CSMD3: variants seen among roughly 807,000 people sequenced by gnomAD.
The protein encoded by CSMD3 is CUB and Sushi multiple domains 3.
Under a neutral mutation model 435.2 loss-of-function variants are expected in CSMD3, and 177 were observed. The observed-to-expected ratio is 0.41, with a 90% CI of 0.36 to 0.46. The LOEUF (loss-of-function observed/expected upper bound fraction) is 0.46. CSMD3 is among the 20% of genes least tolerant of loss of function. The probability of loss-of-function intolerance (pLI) is 0.34; values close to 1 mark genes in which losing one functional copy is unlikely to be tolerated. For missense variants in CSMD3, 4,265 were observed against 4,504.6 expected (o/e 0.95, Z 1.52); for synonymous variants, 1,656 against 1,520.5 (o/e 1.09, Z -2.07).
chr8:112,759,661 T>C (rs992353058), intron 13 of CSMD3, among the ~76,000 whole-genome samples: 9 of 152,152 alleles, frequency 5.9e-5, no homozygotes, highest in Non-Finnish European at 1.2e-4. Context: ...TTGATTAATG[T>C]ATCAAGTACC....
intron 18 of CSMD3, among the ~76,000 whole-genome samples, chr8:112,651,598 C>T (rs1385316354): frequency 6.7e-6 from 1 of 149,288 alleles, no homozygotes; most frequent in Non-Finnish European, 1.5e-5. Flanking sequence ...AGTACAATGG[C>T]GTGATCTCGG....
intron 27 of CSMD3, among the ~76,000 whole-genome samples, chr8:112,526,141 A>AAACTGAAGATTTTTAGCACTGTACT (rs1353650521): frequency 2.0e-5 from 3 of 151,644 alleles, no homozygotes; most frequent in African/African-American, 7.3e-5. Context: ...AAAATTGTAA[A>AAACTGAAGATTTTTAGCACTGTACT]AACTGAAGAT....
intron 2 of CSMD3, among the ~76,000 whole-genome samples, chr8:113,279,746 T>C (rs2093599200): frequency 6.6e-6 from 1 of 151,814 alleles, no homozygotes; most frequent in Non-Finnish European, 1.5e-5. Flanking sequence ...TACTCCTTCT[T>C]GTAATACGTT....
Position 112,682,572 on chromosome 8 carries a change from G to C in CSMD3, c.2547C>G (p.Asn849Lys), listed in dbSNP as rs2131786394. 1 of 1,613,732 alleles carries C rather than the reference G, an allele frequency of 6.2e-7. No homozygotes were observed. Among genetic ancestry groups the C allele is most frequent in the South Asian group, 1.1e-5 (1 of 91,086 alleles). ...IPINARRFGDNFQLGSSISVI... is the reference protein window; with the variant it reads ...IPINARRFGDKFQLGSSISVI... ...CTGAAATTGAACTTCCTAATTGAAAGTTGTCCCCAAACCGCCGTGCATTGA... is the reference window on the plus strand; with the variant it reads ...CTGAAATTGAACTTCCTAATTGAAACTTGTCCCCAAACCGCCGTGCATTGA... Residue 849 changes from asparagine to lysine, a missense_variant, in exon 16 of 71, where the codon AAC becomes AAG. Physicochemically the swap from Asn to Lys is moderately conservative, Grantham distance 94. Around this residue, in one of 3 missense-constraint regions of CSMD3, gnomAD observed 279 missense variants for 369.0 expected, o/e 0.76. Transcript: ENST00000297405.
At chr8:112,255,541 AT>A (rs1312396766) in intron 61 of CSMD3, 114 bp from the exon 62 acceptor site, 2 of 933,384 alleles carry the variant, frequency 2.1e-6, no homozygotes, top group African/African-American at 3.3e-5. Context: ...TATATTATTC[AT>A]GATAAAGCTA....
chr8:113,420,808 G>A (rs929459802), intron 1 of CSMD3, among the ~76,000 whole-genome samples: 2 of 151,902 alleles, frequency 1.3e-5, no homozygotes, highest in Non-Finnish European at 2.9e-5. Flanking sequence ...AATTAGCAGG[G>A]CTTGGTGTCA....
chr8:113,280,633 A>AT (rs572959582), intron 2 of CSMD3, among the ~76,000 whole-genome samples: 1 of 150,382 alleles, frequency 6.6e-6, no homozygotes, highest in African/African-American at 2.4e-5. Flanking sequence ...ATCTTTTGTA[A>AT]TTTTTTTTGT....
At chr8:112,326,881 G>A (rs1336227372) in intron 45 of CSMD3, among the ~76,000 whole-genome samples, 2 of 152,072 alleles carry the variant, frequency 1.3e-5, no homozygotes, top group African/African-American at 4.8e-5. Flanking sequence ...AATTAGACAG[G>A]TGTGGCGGTG....
intron 1 of CSMD3, among the ~76,000 whole-genome samples, chr8:113,320,726 G>A (rs995645174): frequency 1.4e-4 from 21 of 151,936 alleles, no homozygotes; most frequent in Non-Finnish European, 1.6e-4. Context: ...ATGATGCCCT[G>A]CTTTTCTAAT....
At chr8:113,090,639 C>G (rs73338238) in intron 5 of CSMD3, among the ~76,000 whole-genome samples, 6 of 152,032 alleles carry the variant, frequency 3.9e-5, no homozygotes, top group Non-Finnish European at 8.8e-5. Flanking sequence ...TGTGCTTTGC[C>G]AACATCTTCA....
chr8:112,707,491 G>T (rs887804680), intron 13 of CSMD3, among the ~76,000 whole-genome samples: 5 of 151,368 alleles, frequency 3.3e-5, no homozygotes, highest in Admixed American at 2.0e-4. Flanking sequence ...GGCGGGAGGG[G>T]GGTGGTTCCT....
intron 6 of CSMD3, among the ~76,000 whole-genome samples, chr8:112,990,370 A>T (rs2131013394): frequency 6.6e-6 from 1 of 152,082 alleles, no homozygotes; most frequent in East Asian, 1.9e-4. Context: ...TGTGAGAAAT[A>T]ATGAAGCGTT....
chr8:113,084,766 C>T (rs922139133), intron 5 of CSMD3, among the ~76,000 whole-genome samples: 4 of 151,728 alleles, frequency 2.6e-5, no homozygotes, highest in African/African-American at 4.8e-5. Context: ...AAAGCAGATA[C>T]GTAGATCAAT....
intron 4 of CSMD3, among the ~76,000 whole-genome samples, chr8:113,109,639 C>T (rs1331847758): frequency 1.3e-5 from 2 of 152,180 alleles, no homozygotes; most frequent in Non-Finnish European, 2.9e-5. Context: ...AGCAGCCTTG[C>T]TCCCGTGACA....
chr8:112,260,743 C>T (rs756830928), intron 61 of CSMD3, among the ~76,000 whole-genome samples: 21 of 151,768 alleles, frequency 1.4e-4, no homozygotes, highest in Admixed American at 2.6e-4. Context: ...ATTTTAAGGG[C>T]GAATTACGTG....
rs867946856 is a variant in CSMD3, at chr8:113,216,081, A to G, written c.515-42165T>C. 4.0e-5 allele frequency among the ~76,000 whole-genome samples: 6 copies of G among 151,826 alleles called. No individual in the cohort carries two copies. The South Asian group carries it at 1.2e-3, about 31-fold the overall frequency. ...TTACCCTTTGACCCAGCAGTCCTAC[A>G]TAGAGGAACCCAACACACAGAGAAA... is the stretch of plus-strand genomic sequence containing the variant. On this transcript the variant is annotated intron_variant, in intron 3 of 70. Coordinates refer to ENST00000297405, the MANE Select transcript of CSMD3 (RefSeq NM_198123.2).
chr8:112,407,867 G>T (rs1231523497), intron 34 of CSMD3, among the ~76,000 whole-genome samples: 1 of 151,986 alleles, frequency 6.6e-6, no homozygotes, highest in East Asian at 1.9e-4. Flanking sequence ...AATAACTGAA[G>T]AAAGTTTTAA....
rs1275444296 is a variant in CSMD3 at position 112,650,286 on chromosome 8, C to T, written c.3068G>A (p.Gly1023Asp). The change falls in exon 19 of 71, where the codon GGT (glycine) becomes GAT (aspartate). Residue 1023 changes from glycine (G) to aspartate (D), a missense_variant. Physicochemically the swap from Gly to Asp is moderately conservative, Grantham distance 94 (BLOSUM62 -1). Around this residue, in one of 3 missense-constraint regions of CSMD3, gnomAD observed 3,255 missense variants for 3,380.2 expected, o/e 0.96. Transcript: ENST00000297405. ...AGTAGAGCCAATGGAGAAATCATGA[C>T]CATAGCGACGGCCATGTACAGGTAT... ...PGIPVHGRRY[G>D]HDFSIGSTVS... 2 of 1,613,674 alleles carry T rather than the reference C, an allele frequency of 1.2e-6. No homozygotes were observed. The highest frequency in any genetic ancestry group is 2.7e-5 in the African/African-American group (2 of 74,874).
At chr8:112,278,177 G>C (rs1002517124) in intron 59 of CSMD3, among the ~76,000 whole-genome samples, 3 of 152,162 alleles carry the variant, frequency 2.0e-5, no homozygotes, top group Non-Finnish European at 2.9e-5. Flanking sequence ...GCAGTGAGTA[G>C]GGTGGCCCAA....
Sources: allele counts gnomAD v4.1 joint callset (sites outside exome capture counted in the v4.1 genomes callset), GRCh38; gene constraint gnomAD v4.1.1; regional missense constraint gnomAD v4.1.1; transcripts MANE v1.5; gene names NCBI Gene and HGNC (gene_info 2026-07-23, HGNC 2026-07-21).